PTPRG: variants seen among roughly 807,000 people sequenced by gnomAD.
The protein encoded by PTPRG is receptor-type tyrosine-protein phosphatase gamma.
A neutral mutation model predicts 165.3 loss-of-function variants in PTPRG; 102 were observed. That is an observed-to-expected ratio of 0.62 (90% CI 0.53 to 0.73). The LOEUF is 0.73. PTPRG is among the 30% of genes least tolerant of loss of function. The probability of loss-of-function intolerance (pLI) is 0.00; values close to 1 mark genes in which losing one functional copy is unlikely to be tolerated. For missense variants in PTPRG, 1,866 were observed against 1,861.4 expected (o/e 1.00, Z -0.05); for synonymous variants, 675 against 669.5 (o/e 1.01, Z -0.13).
intron 25 of PTPRG, among the ~76,000 whole-genome samples, 175 bp downstream of exon 25, chr3:62,277,223 G>A (rs957065914): frequency 6.6e-6 from 1 of 152,046 alleles, no homozygotes; most frequent in Non-Finnish European, 1.5e-5. Context: ...ATCAGTGCTG[G>A]TACAAAAATG....
rs746301603 is a variant in PTPRG, at chr3:62,254,186, G to GT, written c.2468-935dup. 1.4e-4 allele frequency among the ~76,000 whole-genome samples: 22 copies of GT among 152,222 alleles called. No homozygotes were observed. The highest frequency in any genetic ancestry group is 2.9e-4 in the Non-Finnish European group (20 of 68,040). Reference sequence around the variant, plus strand: ...TTTGCTAAGAAAAGCATCTGTGGCAGTTTAGATGTTTGTGCGTTTGCCAAA... The same window carrying GT: ...TTTGCTAAGAAAAGCATCTGTGGCAGTTTTAGATGTTTGTGCGTTTGCCAAA... On this transcript the variant is annotated intron_variant, in intron 15 of 29. Transcript: ENST00000474889. This position sits in a 1 kb window ranked among gnomAD's most constrained non-coding sequence, Gnocchi z 4.6.
chr3:62,130,521 GTAAC>G (rs1703475157), intron 5 of PTPRG, among the ~76,000 whole-genome samples: 1 of 152,164 alleles, frequency 6.6e-6, no homozygotes, highest in South Asian at 2.1e-4. Flanking sequence ...AGATATTAGA[GTAAC>G]TAACTACAGA....
intron 5 of PTPRG, among the ~76,000 whole-genome samples, chr3:62,098,031 G>A (rs923084101): frequency 1.3e-5 from 2 of 152,070 alleles, no homozygotes; most frequent in East Asian, 3.9e-4. Context: ...CTAATTCGAG[G>A]TTATCTTCAT....
rs370239870 is a variant in PTPRG at position 62,115,762 on chromosome 3, C to G, written c.616-16840C>G. ...ATTTTGCCCAGGCAGGTCTTGAACTCCTGGGCTCAAGGGATCCACCTGCCT... is the reference window on the plus strand; with the variant it reads ...ATTTTGCCCAGGCAGGTCTTGAACTGCTGGGCTCAAGGGATCCACCTGCCT... On this transcript the variant is annotated intron_variant, in intron 5 of 29. Transcript: ENST00000474889. Among the ~76,000 whole-genome samples, 6 of 152,050 alleles carry G rather than the reference C, an allele frequency of 3.9e-5. No individual in the cohort carries two copies. In the East Asian group the frequency reaches 1.2e-3, roughly 30 times the overall value.
At chr3:61,890,726 C>G (rs2038190932) in intron 2 of PTPRG, among the ~76,000 whole-genome samples, 1 of 152,114 alleles carries the variant, frequency 6.6e-6, no homozygotes, top group Non-Finnish European at 1.5e-5. Context: ...AACTTGAGCC[C>G]TACTCCAGCC....
At chr3:62,120,986 C>T (rs890986793) in intron 5 of PTPRG, among the ~76,000 whole-genome samples, 1 of 151,858 alleles carries the variant, frequency 6.6e-6, no homozygotes, top group Non-Finnish European at 1.5e-5. Flanking sequence ...GCTCTGTCGC[C>T]CAGGCTGGAG....
At chr3:61,813,423 C>T (rs528194737) in intron 2 of PTPRG, among the ~76,000 whole-genome samples, 25 of 147,294 alleles carry the variant, frequency 1.7e-4, no homozygotes, top group East Asian at 6.0e-4. Flanking sequence ...GCTGAGGCAC[C>T]GAGAACCACT....
intron 1 of PTPRG, among the ~76,000 whole-genome samples, chr3:61,642,965 C>G (rs1373061024): frequency 6.6e-6 from 1 of 152,166 alleles, no homozygotes; most frequent in African/African-American, 2.4e-5. Flanking sequence ...AAAACAAATA[C>G]AGCTGATCTG....
chr3:62,054,120 T>A (rs1289821123), intron 4 of PTPRG, among the ~76,000 whole-genome samples: 2 of 152,188 alleles, frequency 1.3e-5, no homozygotes, highest in African/African-American at 4.8e-5. Flanking sequence ...CTGTCCCTTT[T>A]TGTCTATTTG....
At position 62,237,495 on chromosome 3, in the gene PTPRG, G is replaced by C. The variant is rs1197340928; in HGVS notation, c.2375+6184G>C. ...TTTTCAGCAGGGAGCTCAGGGACTT[G>C]ACGTTGACAGCTGATACTGGCCGAT... On this transcript the variant is annotated intron_variant, in intron 14 of 29. Coordinates refer to ENST00000474889, the MANE Select transcript of PTPRG (RefSeq NM_002841.4). The surrounding 1 kb of genome is among the most constrained non-coding windows in gnomAD (Gnocchi z 4.5). 6.6e-6 allele frequency among the ~76,000 whole-genome samples: 1 copy of C among 152,180 alleles called. No individual in the cohort carries two copies. The highest frequency in any genetic ancestry group is 2.4e-5 in the African/African-American group (1 of 41,432).
At chr3:61,634,883 G>A (rs1269699781) in intron 1 of PTPRG, among the ~76,000 whole-genome samples, 1 of 152,330 alleles carries the variant, frequency 6.6e-6, no homozygotes, top group East Asian at 1.9e-4. Flanking sequence ...TCACAACACT[G>A]TTGAGTGAGC....
At chr3:62,187,898 TC>T (rs1022484742) in intron 8 of PTPRG, among the ~76,000 whole-genome samples, 1 of 152,164 alleles carries the variant, frequency 6.6e-6, no homozygotes, top group African/African-American at 2.4e-5. Context: ...GTTACAGAAT[TC>T]CCTTCCTGGC....
chr3:62,097,072 A>G (rs963681712), intron 5 of PTPRG, among the ~76,000 whole-genome samples: 7 of 149,568 alleles, frequency 4.7e-5, no homozygotes, highest in African/African-American at 1.7e-4. Context: ...AGAAACACAA[A>G]GACACCCCCA....
intron 6 of PTPRG, among the ~76,000 whole-genome samples, chr3:62,149,531 A>G (rs1421500405): frequency 1.3e-5 from 2 of 152,050 alleles, no homozygotes; most frequent in African/African-American, 4.8e-5. Flanking sequence ...GCCTCCCCCA[A>G]AGTACTGGGA....
intron 5 of PTPRG, among the ~76,000 whole-genome samples, chr3:62,091,104 C>A (rs1401660057): frequency 6.6e-6 from 1 of 152,058 alleles, no homozygotes; most frequent in Non-Finnish European, 1.5e-5. Flanking sequence ...TTAAAAAATG[C>A]CAAAATAAAA....
intron 8 of PTPRG, among the ~76,000 whole-genome samples, chr3:62,171,481 A>G (rs1705212848): frequency 6.6e-6 from 1 of 152,198 alleles, no homozygotes; most frequent in Non-Finnish European, 1.5e-5. Flanking sequence ...ATTTTAGCAA[A>G]TTTATACTTG....
intron 1 of PTPRG, among the ~76,000 whole-genome samples, chr3:61,724,995 T>G (rs1030090257): frequency 6.6e-6 from 1 of 152,172 alleles, no homozygotes; most frequent in Non-Finnish European, 1.5e-5. Context: ...TCGAATTGAT[T>G]GATTTCTTCT....
At chr3:61,853,888 G>A (rs1030250060) in intron 2 of PTPRG, among the ~76,000 whole-genome samples, 3 of 152,188 alleles carry the variant, frequency 2.0e-5, no homozygotes, top group African/African-American at 7.2e-5. Context: ...GGTCATTTAG[G>A]TTGTTAAGAT....
chr3:62,201,641 T>C, intron 11 of PTPRG, 87 bp downstream of exon 11: 1 of 1,365,276 alleles, frequency 7.3e-7, no homozygotes, highest in South Asian at 1.3e-5. Flanking sequence ...GGCAGTATAA[T>C]GTTGTTAAAC....
Sources: allele counts gnomAD v4.1 joint callset (sites outside exome capture counted in the v4.1 genomes callset), GRCh38; gene constraint gnomAD v4.1.1; non-coding constraint Gnocchi (gnomAD v3.1); transcripts MANE v1.5; gene names NCBI Gene and HGNC (gene_info 2026-07-23, HGNC 2026-07-21).